Variants in FBXW11 observed in about 807,000 individuals in gnomAD.
The protein encoded by FBXW11 is F-box/WD repeat-containing protein 11.
In FBXW11, 19 loss-of-function variants were observed where a neutral mutation model predicts 77.6. The ratio of observed to expected loss-of-function variants is 0.24; its 90% confidence interval spans 0.17 to 0.36. The LOEUF (loss-of-function observed/expected upper bound fraction) is 0.36, where lower values mean the gene tolerates loss of function less well. Among genes scored for constraint, FBXW11 ranks in the 10% least tolerant of loss-of-function variants. FBXW11 has a pLI of 1.00. For synonymous variants in FBXW11, 235 were observed against 249.4 expected (o/e 0.94, Z 0.54); for missense variants, 334 against 704.2 (o/e 0.47, Z 5.95).
intron 1 of FBXW11, among the ~76,000 whole-genome samples, chr5:171,989,534 G>C (rs1039593513): frequency 1.3e-5 from 2 of 152,218 alleles, no homozygotes; most frequent in African/African-American, 4.8e-5. Flanking sequence ...AGGAAGTAGA[G>C]GAGCTAGAGA....
intron 13 of FBXW11, among the ~76,000 whole-genome samples, 154 bp downstream of exon 13, chr5:171,868,456 T>C (rs1757553394): frequency 6.6e-6 from 1 of 152,112 alleles, no homozygotes; most frequent in Non-Finnish European, 1.5e-5. Context: ...GATGTGACTA[T>C]AAAGATCCAG....
chr5:171,944,469 G>A (rs1277114140), intron 2 of FBXW11, among the ~76,000 whole-genome samples: 1 of 150,934 alleles, frequency 6.6e-6, no homozygotes, highest in Non-Finnish European at 1.5e-5. Context: ...CAGCTATGCG[G>A]GAGGCTGAGG....
In FBXW11 at chr5:171,981,727, C is replaced by T. The variant is rs543975623; in HGVS notation, c.46-24029G>A. On this transcript the variant is annotated intron_variant, in intron 1 of 13. Coordinates refer to ENST00000517395, the MANE Select transcript of FBXW11 (RefSeq NM_001378974.1). ...ATACCCAAGAGAAAAAAGATGTCCTCACAAAGATCTGAATACAAATGCTCA... is the reference window on the plus strand; with the variant it reads ...ATACCCAAGAGAAAAAAGATGTCCTTACAAAGATCTGAATACAAATGCTCA... 2.6e-5 allele frequency among the ~76,000 whole-genome samples: 4 copies of T among 152,282 alleles called. No homozygotes were observed. In the East Asian group the frequency reaches 7.7e-4, roughly 29 times the overall value.
intron 1 of FBXW11, among the ~76,000 whole-genome samples, chr5:171,988,593 G>A (rs779526075): frequency 5.3e-5 from 8 of 151,600 alleles, no homozygotes; most frequent in Non-Finnish European, 7.4e-5. Context: ...GCCTGTAATC[G>A]TAGCACTTTG....
At chr5:171,879,944 C>G (rs975979331) in intron 7 of FBXW11, among the ~76,000 whole-genome samples, 1 of 152,006 alleles carries the variant, frequency 6.6e-6, no homozygotes, top group African/African-American at 2.4e-5. Context: ...TAACAAAGTC[C>G]AGCTCATTAA....
At chr5:171,977,004 C>A (rs1389781358) in intron 1 of FBXW11, among the ~76,000 whole-genome samples, 2 of 150,498 alleles carry the variant, frequency 1.3e-5, no homozygotes, top group East Asian at 3.9e-4. Context: ...CAAAATGGTG[C>A]AGCCTGGGCA....
intron 13 of FBXW11, among the ~76,000 whole-genome samples, chr5:171,865,587 G>A (rs1054698271): frequency 7.9e-5 from 12 of 152,268 alleles, no homozygotes; most frequent in South Asian, 2.1e-4. Flanking sequence ...GTTATAAAGC[G>A]TCATTTTAAA....
Position 172,006,624 on chromosome 5 carries a change from G to T in FBXW11, c.-122C>A. 5.4e-6 allele frequency: 7 copies of T among 1,299,384 alleles called. No homozygotes were observed. The highest frequency in any genetic ancestry group is 3.2e-5 in the East Asian group (1 of 31,492). 80.5% of individuals were successfully genotyped at this position (1,299,384 alleles called of 1,614,324 possible). ...TCGCACCCACTCTAGCTGCCAGCCC[G>T]CCCGGGCCGCCGGCAGCTCCGCCCT... On this transcript the variant is annotated 5_prime_UTR_variant, in exon 1 of 14. Coordinates refer to ENST00000517395, the MANE Select transcript of FBXW11 (RefSeq NM_001378974.1).
rs1400678456 is a variant in FBXW11, at chr5:171,863,650, G to C, written c.*477C>G. On this transcript the variant is annotated 3_prime_UTR_variant, in exon 14 of 14. Transcript: ENST00000517395. The stretch of plus-strand genomic sequence containing the variant: ...TCATAATGACTTGGACGGTCAAAAG[G>C]AGAATGCTAACTTTTGAAAATGAAA... 3 of 152,626 alleles carry C rather than the reference G, an allele frequency of 2.0e-5. No homozygotes were observed. Among genetic ancestry groups the C allele is most frequent in the Middle Eastern group, 3.2e-3 (1 of 316 alleles). 9.5% of individuals were successfully genotyped at this position (152,626 alleles called of 1,614,324 possible).
At chr5:171,880,370 G>A (rs868825205) in intron 7 of FBXW11, among the ~76,000 whole-genome samples, 1 of 152,188 alleles carries the variant, frequency 6.6e-6, no homozygotes, top group African/African-American at 2.4e-5. Context: ...TTCAAGTAGG[G>A]TAGTGTTAGT....
intron 1 of FBXW11, among the ~76,000 whole-genome samples, chr5:172,004,628 C>A (rs1171797228): frequency 2.0e-5 from 3 of 152,060 alleles, no homozygotes; most frequent in Non-Finnish European, 4.4e-5. Flanking sequence ...CTGGGAACAG[C>A]CAATTTCAAA....
At chr5:171,864,550 G>A (rs539339429) in intron 13 of FBXW11, among the ~76,000 whole-genome samples, 10 of 152,268 alleles carry the variant, frequency 6.6e-5, no homozygotes, top group South Asian at 2.1e-4. Context: ...ACATCCTCAC[G>A]AGAGCCCTCA....
chr5:171,875,250 TAAAAAAAAAAAA>T (rs55689036), intron 9 of FBXW11, among the ~76,000 whole-genome samples: 119,840 of 148,258 alleles, frequency 0.81, 51,165 homozygotes, highest in East Asian at 0.97. Context: ...TCTGTACTTT[TAAAAAAAAAAAA>T]AAAAAAAAGA....
At chr5:171,882,593 C>T (rs1758592615) in intron 7 of FBXW11, among the ~76,000 whole-genome samples, 1 of 152,190 alleles carries the variant, frequency 6.6e-6, no homozygotes, top group Non-Finnish European at 1.5e-5. Flanking sequence ...ACGTGAACCA[C>T]TGTGCCCAGC....
intron 1 of FBXW11, among the ~76,000 whole-genome samples, chr5:171,990,814 T>C (rs1561755022): frequency 6.6e-6 from 1 of 152,132 alleles, no homozygotes; most frequent in Non-Finnish European, 1.5e-5. Flanking sequence ...TGAGAAACTT[T>C]TTTTTTTCGC....
chr5:171,893,421 CAAAAAAAAAAAAAAAAAA>C lies in FBXW11; in HGVS notation c.715-1835_715-1818del, dbSNP rs397999920. ...GACATACAAAAGCACACTTCAAAAC[CAAAAAAAAAAAAAAAAAA>C]AAAAAAAACTAACCCAACCATCTCT... On this transcript the variant is annotated intron_variant, in intron 6 of 13. Coordinates refer to ENST00000517395, the MANE Select transcript of FBXW11 (RefSeq NM_001378974.1). 1.8e-4 allele frequency among the ~76,000 whole-genome samples: 7 copies of C among 39,854 alleles called. No homozygotes were observed. The East Asian group carries it at 8.4e-3, about 48-fold the overall frequency. 26.1% of individuals were successfully genotyped at this position (39,854 alleles called of 152,430 possible).
chr5:171,946,316 C>A (rs1305075004), intron 2 of FBXW11, among the ~76,000 whole-genome samples: 2 of 152,138 alleles, frequency 1.3e-5, no homozygotes, highest in Non-Finnish European at 2.9e-5. Context: ...TAGAGTTGGT[C>A]TCCCTGCTTC....
At chr5:171,984,758 T>C (rs989183185) in intron 1 of FBXW11, among the ~76,000 whole-genome samples, 5 of 152,208 alleles carry the variant, frequency 3.3e-5, no homozygotes, top group Non-Finnish European at 4.4e-5. Flanking sequence ...TCCATAATTA[T>C]AAGGAAAATT....
intron 2 of FBXW11, among the ~76,000 whole-genome samples, chr5:171,924,894 G>C (rs184456555): frequency 6.6e-6 from 1 of 152,038 alleles, no homozygotes; most frequent in South Asian, 2.1e-4. Flanking sequence ...TTGGGGTCAC[G>C]CGGATGCTGG....
Sources: allele counts gnomAD v4.1 joint callset (sites outside exome capture counted in the v4.1 genomes callset), GRCh38; gene constraint gnomAD v4.1.1; transcripts MANE v1.5; gene names NCBI Gene and HGNC (gene_info 2026-07-23, HGNC 2026-07-21).